Variants in ROBO1 observed in about 807,000 individuals in gnomAD.
ROBO1 encodes the protein roundabout homolog 1.
A neutral mutation model predicts 195.9 loss-of-function variants in ROBO1; 149 were observed. The observed-to-expected ratio is 0.76, with a 90% CI of 0.67 to 0.87. The LOEUF (loss-of-function observed/expected upper bound fraction) is 0.87. ROBO1 is among the 40% of genes least tolerant of loss of function. The pLI, the probability that ROBO1 is intolerant of heterozygous loss-of-function variation, is 0.00. For missense variants in ROBO1, 1,933 were observed against 2,068.3 expected, an observed-to-expected ratio of 0.93 and a Z score of 1.27; for synonymous variants, 816 against 733.2, an observed-to-expected ratio of 1.11 and a Z score of -1.82.
chr3:79,094,382 G>C (rs964351892), intron 3 of ROBO1, among the ~76,000 whole-genome samples: 1 of 152,088 alleles, frequency 6.6e-6, no homozygotes, highest in Non-Finnish European at 1.5e-5. Flanking sequence ...AGAGTGGTGA[G>C]AGTATAAGTC....
intron 1 of ROBO1, among the ~76,000 whole-genome samples, chr3:79,727,672 G>C (rs1339507614): frequency 6.6e-6 from 1 of 152,050 alleles, no homozygotes; most frequent in Non-Finnish European, 1.5e-5. Flanking sequence ...ACCTGCCATA[G>C]TAGCAATCTA....
At chr3:78,667,762 G>T in intron 14 of ROBO1, 121 bp downstream of exon 14, 2 of 971,666 alleles carry the variant, frequency 2.1e-6, no homozygotes, top group Admixed American at 3.1e-5. Flanking sequence ...AAGCAACTTG[G>T]GCAACTTGAA....
In ROBO1 at chr3:79,589,948, A is replaced by G. The variant is rs1943946318; in HGVS notation, c.-37T>C. 1 of 1,424,370 alleles carries G rather than the reference A, an allele frequency of 7.0e-7. No homozygotes were observed. The highest frequency in any genetic ancestry group is 1.2e-5 in the South Asian group (1 of 86,628). 88.2% of individuals were successfully genotyped at this position (1,424,370 alleles called of 1,614,324 possible). On this transcript the variant is annotated 5_prime_UTR_variant, in exon 2 of 31. Transcript: ENST00000464233. ...CCTTGCATTACAACCAGCCAGTGAC[A>G]GACAATGTGTTATCTGGGGAGATTA...
At chr3:79,315,728 ATAGT>A (rs1276449890) in intron 2 of ROBO1, among the ~76,000 whole-genome samples, 3 of 152,224 alleles carry the variant, frequency 2.0e-5, no homozygotes, top group African/African-American at 7.2e-5. Context: ...TGTCAAGTAG[ATAGT>A]TAGATATAAT....
Position 79,579,544 on chromosome 3 carries a change from G to A in ROBO1, c.88+10280C>T, listed in dbSNP as rs148927647. On this transcript the variant is annotated intron_variant, in intron 2 of 30. Coordinates refer to ENST00000464233, the MANE Select transcript of ROBO1 (RefSeq NM_002941.4). The stretch of plus-strand genomic sequence containing the variant: ...GAAACTTCAAAGCAATGAGAGATTG[G>A]TCCGACTAATGTATTACATGGAAGT... 2.0e-3 allele frequency among the ~76,000 whole-genome samples: 304 copies of A among 152,266 alleles called. 1 individual carries two copies. The highest frequency in any genetic ancestry group is 6.8e-3 in the African/African-American group (284 of 41,556).
At chr3:78,971,082 G>C (rs2076754610) in intron 3 of ROBO1, among the ~76,000 whole-genome samples, 1 of 152,064 alleles carries the variant, frequency 6.6e-6, no homozygotes, top group Non-Finnish European at 1.5e-5. Flanking sequence ...AGAATCACTG[G>C]GGAAATTCCT....
chr3:79,133,861 C>T (rs1354946115), intron 2 of ROBO1, among the ~76,000 whole-genome samples: 14 of 149,372 alleles, frequency 9.4e-5, no homozygotes, highest in East Asian at 6.0e-4. Flanking sequence ...GATGGGTTTT[C>T]GGTGTAGATG....
At chr3:79,339,171 C>G in intron 2 of ROBO1, among the ~76,000 whole-genome samples, 1 of 152,286 alleles carries the variant, frequency 6.6e-6, no homozygotes. Context: ...TTGTAATAGT[C>G]CCCTGTCTCT....
intron 10 of ROBO1, among the ~76,000 whole-genome samples, chr3:78,680,456 A>T (rs1403980934): frequency 6.6e-6 from 1 of 152,158 alleles, no homozygotes; most frequent in Non-Finnish European, 1.5e-5. Context: ...TAATATCCGG[A>T]ATCTACAATG....
chr3:79,348,901 T>C (rs1034649128), intron 2 of ROBO1, among the ~76,000 whole-genome samples: 6 of 152,164 alleles, frequency 3.9e-5, no homozygotes, highest in African/African-American at 1.2e-4. Flanking sequence ...GACTAAATAA[T>C]AGTGCAATGA....
intron 4 of ROBO1, among the ~76,000 whole-genome samples, chr3:78,907,232 T>C (rs917529392): frequency 6.6e-6 from 1 of 152,044 alleles, no homozygotes; most frequent in African/African-American, 2.4e-5. Context: ...ATGCATGATT[T>C]TGACCTTGTT....
chr3:79,613,204 T>C (rs1043407636), intron 1 of ROBO1, among the ~76,000 whole-genome samples: 6 of 152,038 alleles, frequency 3.9e-5, no homozygotes, highest in Non-Finnish European at 7.4e-5. Context: ...TACACTGCTT[T>C]ATTTGAAGGT....
chr3:79,044,168 T>TAAAAAAAAA (rs2078545563), intron 3 of ROBO1, among the ~76,000 whole-genome samples: 1 of 151,918 alleles, frequency 6.6e-6, no homozygotes, highest in Non-Finnish European at 1.5e-5. Context: ...CATCATCTTT[T>TAAAAAAAAA]AAGAAAGTAT....
chr3:78,908,775 A>G (rs1287640443), intron 4 of ROBO1, among the ~76,000 whole-genome samples: 2 of 151,884 alleles, frequency 1.3e-5, no homozygotes, highest in Non-Finnish European at 1.5e-5. Flanking sequence ...GCTGTGTAGC[A>G]CATTAATCTG....
intron 4 of ROBO1, among the ~76,000 whole-genome samples, chr3:78,796,674 A>G (rs532218614): frequency 4.3e-4 from 65 of 152,220 alleles, no homozygotes; most frequent in African/African-American, 1.5e-3. Flanking sequence ...TCAAGTCCTG[A>G]CAATCTTAAT....
At chr3:79,496,551 T>C (rs865939933) in intron 2 of ROBO1, among the ~76,000 whole-genome samples, 2 of 145,786 alleles carry the variant, frequency 1.4e-5, no homozygotes, top group South Asian at 4.5e-4. Flanking sequence ...GCCCGGCTAA[T>C]TTTTTGTATT....
At chr3:78,837,065 G>T in intron 4 of ROBO1, among the ~76,000 whole-genome samples, 1 of 151,944 alleles carries the variant, frequency 6.6e-6, no homozygotes, top group Non-Finnish European at 1.5e-5. Context: ...AATATAAAAT[G>T]GATATAAAAT....
At chr3:79,515,036 G>A (rs1350555252) in intron 2 of ROBO1, among the ~76,000 whole-genome samples, 1 of 151,780 alleles carries the variant, frequency 6.6e-6, no homozygotes, top group Non-Finnish European at 1.5e-5. Context: ...GAGTGTTTTT[G>A]GTTGCAAAAG....
At chr3:79,519,498 G>A (rs1030326850) in intron 2 of ROBO1, among the ~76,000 whole-genome samples, 1 of 151,326 alleles carries the variant, frequency 6.6e-6, no homozygotes, top group African/African-American at 2.4e-5. Context: ...GCGTGGTGGC[G>A]GGCGCCTGTA....
Sources: allele counts gnomAD v4.1 joint callset (sites outside exome capture counted in the v4.1 genomes callset), GRCh38; gene constraint gnomAD v4.1.1; transcripts MANE v1.5; gene names NCBI Gene and HGNC (gene_info 2026-07-23, HGNC 2026-07-21).